Variants in DLGAP2 observed in about 807,000 individuals in gnomAD.
The protein encoded by DLGAP2 is DLG associated protein 2, also known as disks large-associated protein 2.
DLGAP2 carries 26 observed loss-of-function variants against 100.3 expected under a neutral mutation model. The ratio of observed to expected loss-of-function variants is 0.26; its 90% CI spans 0.19 to 0.36. The LOEUF (loss-of-function observed/expected upper bound fraction) is 0.36. Ranked by LOEUF, DLGAP2 falls within the 10% of genes least tolerant of loss-of-function variation. DLGAP2 has a pLI of 1.00. For synonymous variants in DLGAP2, 886 were observed against 630.1 expected, an observed-to-expected ratio of 1.41 and a Z score of -6.08; for missense variants, 1,858 against 1,453.2, an observed-to-expected ratio of 1.28 and a Z score of -4.53.
At chr8:769,748 C>G (rs574334631) in intron 1 of DLGAP2, among the ~76,000 whole-genome samples, 3 of 152,282 alleles carry the variant, frequency 2.0e-5, no homozygotes, top group Non-Finnish European at 2.9e-5. Context: ...ACACGAGCCT[C>G]TTGCGTTCCC....
chr8:1,050,401 G>T (rs1460994700), intron 2 of DLGAP2, among the ~76,000 whole-genome samples: 1 of 152,194 alleles, frequency 6.6e-6, no homozygotes, highest in African/African-American at 2.4e-5. Flanking sequence ...GGCCTTGTGC[G>T]AGGTGGCTTT....
At chr8:1,498,282 C>T (rs1799608485) in intron 3 of DLGAP2, among the ~76,000 whole-genome samples, 1 of 151,744 alleles carries the variant, frequency 6.6e-6, no homozygotes, top group Non-Finnish European at 1.5e-5. Flanking sequence ...TTATCAGAGT[C>T]AATTCTCTCC....
At chr8:784,493 A>G (rs1445733487) in intron 1 of DLGAP2, among the ~76,000 whole-genome samples, 1 of 152,270 alleles carries the variant, frequency 6.6e-6, no homozygotes, top group African/African-American at 2.4e-5. Flanking sequence ...ATTTTAGGCC[A>G]TTTAATACTA....
intron 3 of DLGAP2, among the ~76,000 whole-genome samples, chr8:1,417,726 G>GGGGGGCACGGGGGGCCCC (rs1796967566): frequency 3.5e-5 from 5 of 142,596 alleles, no homozygotes; most frequent in African/African-American, 1.3e-4. Flanking sequence ...CGAGGCTCCA[G>GGGGGGCACGGGGGGCCCC]ACACAGAAGC....
chr8:1,458,142 G>A (rs1423983527), intron 3 of DLGAP2, among the ~76,000 whole-genome samples: 3 of 151,092 alleles, frequency 2.0e-5, no homozygotes, highest in Admixed American at 6.6e-5. Context: ...TCCTGACCTC[G>A]TGATCCACCC....
At position 1,586,495 on chromosome 8, in the gene DLGAP2, T is replaced by C. The variant is rs529240867; in HGVS notation, c.1442+20601T>C. On this transcript the variant is annotated intron_variant, in intron 6 of 14. Coordinates refer to ENST00000637795, the MANE Select transcript of DLGAP2 (RefSeq NM_001346810.2). Reference sequence around the variant, plus strand: ...TCTTCTGCTTTCAATGCTCCTGCGCTGAGAGGGGGCCTGCCTGGGTCATCA... The same window carrying C: ...TCTTCTGCTTTCAATGCTCCTGCGCCGAGAGGGGGCCTGCCTGGGTCATCA... Among the ~76,000 whole-genome samples, 258 of 152,316 alleles carry C rather than the reference T, an allele frequency of 1.7e-3. 2 individuals are homozygous for C. The highest frequency in any genetic ancestry group is 6.1e-3 in the African/African-American group (252 of 41,564).
chr8:1,334,336 C>T (rs536491294), intron 3 of DLGAP2, among the ~76,000 whole-genome samples: 16 of 152,196 alleles, frequency 1.1e-4, no homozygotes, highest in Non-Finnish European at 2.1e-4. Context: ...GCGTTCCTGG[C>T]GTCGGCCCTC....
chr8:743,938 T>G (rs1350935079), intron 1 of DLGAP2, among the ~76,000 whole-genome samples: 2 of 152,268 alleles, frequency 1.3e-5, no homozygotes, highest in African/African-American at 4.8e-5. Context: ...TACTGTGGTT[T>G]AGGGCTGAAG....
At chr8:1,579,549 A>G (rs1398294862) in intron 6 of DLGAP2, among the ~76,000 whole-genome samples, 1 of 152,236 alleles carries the variant, frequency 6.6e-6, no homozygotes, top group East Asian at 1.9e-4. Flanking sequence ...TAAGTAACAA[A>G]TGTTTATATT....
At chr8:1,135,906 A>G (rs1354509105) in intron 2 of DLGAP2, among the ~76,000 whole-genome samples, 2 of 152,200 alleles carry the variant, frequency 1.3e-5, no homozygotes, top group African/African-American at 2.4e-5. Context: ...ATCACAAGCA[A>G]TCATTTTTCG....
intron 4 of DLGAP2, among the ~76,000 whole-genome samples, chr8:1,504,524 C>T (rs1799836113): frequency 6.6e-6 from 1 of 152,170 alleles, no homozygotes. Flanking sequence ...TGAAATGCTG[C>T]ACCCTTCCGC....
At chr8:966,647 A>G (rs1317948060) in intron 2 of DLGAP2, among the ~76,000 whole-genome samples, 1 of 66,562 alleles carries the variant, frequency 1.5e-5, no homozygotes, top group Non-Finnish European at 4.5e-5. Context: ...CTCTAACAAA[A>G]TGTGATGGGT....
intron 6 of DLGAP2, among the ~76,000 whole-genome samples, chr8:1,572,782 G>T (rs555442630): frequency 2.6e-4 from 22 of 85,426 alleles, no homozygotes; most frequent in African/African-American, 1.0e-3. Context: ...GGTGAACTGT[G>T]GGGGCATCTG....
At chr8:1,182,697 C>G (rs555922265) in intron 2 of DLGAP2, among the ~76,000 whole-genome samples, 38 of 152,298 alleles carry the variant, frequency 2.5e-4, no homozygotes, top group Non-Finnish European at 4.4e-5. Flanking sequence ...TGAGTCTGCC[C>G]TGCCATCACG....
chr8:1,581,595 C>T (rs1028654244), intron 6 of DLGAP2, among the ~76,000 whole-genome samples: 1 of 151,742 alleles, frequency 6.6e-6, no homozygotes, highest in Non-Finnish European at 1.5e-5. Context: ...ATACACACAC[C>T]ACAGTCAAAC....
chr8:1,503,621 G>A (rs1268754969), intron 4 of DLGAP2, among the ~76,000 whole-genome samples: 1 of 152,092 alleles, frequency 6.6e-6, no homozygotes, highest in Non-Finnish European at 1.5e-5. Flanking sequence ...GTTCATTTGG[G>A]TAAATGTCCA....
chr8:815,005 A>G (rs1354361239), intron 1 of DLGAP2, among the ~76,000 whole-genome samples: 2 of 152,206 alleles, frequency 1.3e-5, no homozygotes, highest in Non-Finnish European at 2.9e-5. Context: ...GCATAAAAAG[A>G]ACATGAGAAA....
chr8:1,663,313 C>T (rs1046970488), intron 8 of DLGAP2, among the ~76,000 whole-genome samples: 5 of 152,058 alleles, frequency 3.3e-5, no homozygotes, highest in African/African-American at 1.2e-4. Context: ...GGCAAGTTTG[C>T]AGCTGCTGCT....
intron 3 of DLGAP2, among the ~76,000 whole-genome samples, chr8:1,410,291 C>T (rs113850651): frequency 3.3e-5 from 5 of 152,298 alleles, no homozygotes; most frequent in Admixed American, 1.3e-4. Flanking sequence ...AATAGTGACA[C>T]GGAAGGTAAC....
Sources: allele counts gnomAD v4.1 joint callset (sites outside exome capture counted in the v4.1 genomes callset), GRCh38; gene constraint gnomAD v4.1.1; transcripts MANE v1.5; gene names NCBI Gene and HGNC (gene_info 2026-07-23, HGNC 2026-07-21).